Variants in PDZD2 observed in about 807,000 individuals in gnomAD.
The protein encoded by PDZD2 is PDZ domain-containing protein 2.
A neutral mutation model predicts 220.7 loss-of-function variants in PDZD2; 90 were observed. The observed-to-expected ratio is 0.41, with a 90% CI of 0.34 to 0.49. The LOEUF is 0.49. Among genes scored for constraint, PDZD2 ranks in the 20% least tolerant of loss-of-function variants. The pLI is 0.28. For synonymous variants in PDZD2, 1,375 were observed against 1,450.5 expected (o/e 0.95, Z 1.18); for missense variants, 3,174 against 3,608.5 (o/e 0.88, Z 3.08).
intron 2 of PDZD2, among the ~76,000 whole-genome samples, chr5:31,953,700 G>A (rs549755846): frequency 1.5e-4 from 22 of 150,604 alleles, no homozygotes; most frequent in Admixed American, 9.3e-4. Context: ...CTGTTGCCAG[G>A]CTGGAGTGCA....
At chr5:31,697,210 C>A (rs975592256) in intron 1 of PDZD2, among the ~76,000 whole-genome samples, 1 of 152,204 alleles carries the variant, frequency 6.6e-6, no homozygotes, top group African/African-American at 2.4e-5. Flanking sequence ...CACCTGTAAT[C>A]CCAGGACTTT....
chr5:31,988,149 A>G (rs57206589), intron 3 of PDZD2, among the ~76,000 whole-genome samples: 1 of 152,202 alleles, frequency 6.6e-6, no homozygotes, highest in Middle Eastern at 3.4e-3. Context: ...ACACACATAC[A>G]CATAGGTGCA....
At chr5:32,100,970 A>G (rs752895901) in intron 23 of PDZD2, 135 bp from the exon 24 acceptor site, 58 of 1,601,674 alleles carry the variant, frequency 3.6e-5, no homozygotes, top group Admixed American at 1.7e-4. Context: ...ATAAGTAAGT[A>G]AGTGCCCCAG....
intron 6 of PDZD2, among the ~76,000 whole-genome samples, chr5:32,016,369 T>C (rs1445449587): frequency 1.3e-5 from 2 of 152,198 alleles, no homozygotes; most frequent in African/African-American, 4.8e-5. Context: ...AAACTCTCTC[T>C]TGTTTCGGGG....
intron 3 of PDZD2, 41 bp downstream of exon 3, chr5:31,983,697 CGT>C: frequency 1.3e-6 from 2 of 1,571,562 alleles, no homozygotes; most frequent in Non-Finnish European, 1.7e-6. Flanking sequence ...TTTTATTTAT[CGT>C]GTGTGTTTGT....
At chr5:32,025,527 AAACAAAC>A (rs1754570112) in intron 6 of PDZD2, among the ~76,000 whole-genome samples, 1 of 3,144 alleles carries the variant, frequency 3.2e-4, no homozygotes, top group African/African-American at 4.6e-4. Flanking sequence ...CTCTGTCACA[AAACAAAC>A]AAACAAACAA....
chr5:31,996,989 A>G (rs1751688862), intron 4 of PDZD2, among the ~76,000 whole-genome samples: 1 of 152,244 alleles, frequency 6.6e-6, no homozygotes, highest in South Asian at 2.1e-4. Context: ...ATTTTGAGTA[A>G]GAAGGATGTA....
chr5:32,081,076 TAA>T (rs34533191), intron 19 of PDZD2, among the ~76,000 whole-genome samples: 19 of 142,804 alleles, frequency 1.3e-4, no homozygotes, highest in East Asian at 4.0e-4. Context: ...TCCCAGAACT[TAA>T]AAAAAAAAAA....
At chr5:31,915,269 C>G (rs931456675) in intron 2 of PDZD2, among the ~76,000 whole-genome samples, 1 of 152,120 alleles carries the variant, frequency 6.6e-6, no homozygotes, top group Non-Finnish European at 1.5e-5. Flanking sequence ...AAATGATGAG[C>G]CCGTGGCATC....
chr5:31,813,670 A>G (rs1415567007), intron 2 of PDZD2, among the ~76,000 whole-genome samples: 1 of 152,228 alleles, frequency 6.6e-6, no homozygotes, highest in African/African-American at 2.4e-5. Context: ...ATGTGGTCAA[A>G]ATAGCTAAAA....
intron 2 of PDZD2, among the ~76,000 whole-genome samples, chr5:31,820,838 T>C (rs1427354026): frequency 6.6e-6 from 1 of 152,202 alleles, no homozygotes; most frequent in Non-Finnish European, 1.5e-5. Flanking sequence ...TAAATTTATG[T>C]TTTCTTAATT....
chr5:31,817,965 ATT>A (rs368621112), intron 2 of PDZD2, among the ~76,000 whole-genome samples: 63 of 112,220 alleles, frequency 5.6e-4, no homozygotes, highest in African/African-American at 9.3e-4. Context: ...CACCTGGCCA[ATT>A]TTTTTTTTTT....
intron 2 of PDZD2, among the ~76,000 whole-genome samples, chr5:31,895,124 G>A (rs1434831242): frequency 2.6e-5 from 4 of 152,146 alleles, no homozygotes; most frequent in East Asian, 1.9e-4. Context: ...TCCTAACCTC[G>A]TGATCTGCCC....
chr5:31,832,757 A>G (rs892698147), intron 2 of PDZD2, among the ~76,000 whole-genome samples: 1 of 152,220 alleles, frequency 6.6e-6, no homozygotes, highest in East Asian at 1.9e-4. Context: ...CGGAGGTTGC[A>G]GTGAGCCGAG....
chr5:32,028,749 C>G (rs1370886349), intron 6 of PDZD2, among the ~76,000 whole-genome samples: 1 of 150,206 alleles, frequency 6.7e-6, no homozygotes, highest in Admixed American at 6.7e-5. Context: ...GTGGCACAAC[C>G]TTGGCTCACT....
At chr5:31,957,566 G>A (rs1276818241) in intron 2 of PDZD2, among the ~76,000 whole-genome samples, 1 of 152,228 alleles carries the variant, frequency 6.6e-6, no homozygotes, top group Non-Finnish European at 1.5e-5. Flanking sequence ...TTATGACCCA[G>A]ATATCCAGGT....
chr5:32,002,125 C>T (rs1752179395), intron 5 of PDZD2, among the ~76,000 whole-genome samples: 1 of 152,126 alleles, frequency 6.6e-6, no homozygotes, highest in Admixed American at 6.5e-5. Context: ...ATTAGAAGAA[C>T]ATTTTGGGCT....
intron 3 of PDZD2, among the ~76,000 whole-genome samples, chr5:31,994,121 G>T (rs551177394): frequency 6.6e-6 from 1 of 151,978 alleles, no homozygotes; most frequent in East Asian, 1.9e-4. Flanking sequence ...GGGTTCAAGC[G>T]ATTCTCCTGC....
At chr5:31,723,190 A>G (rs1256209002) in intron 1 of PDZD2, among the ~76,000 whole-genome samples, 2 of 152,274 alleles carry the variant, frequency 1.3e-5, no homozygotes, top group Non-Finnish European at 2.9e-5. Flanking sequence ...GTATTTAAAA[A>G]CCATTGTTTT....
Sources: allele counts gnomAD v4.1 joint callset (sites outside exome capture counted in the v4.1 genomes callset), GRCh38; gene constraint gnomAD v4.1.1; transcripts MANE v1.5; gene names NCBI Gene and HGNC (gene_info 2026-07-23, HGNC 2026-07-21).